GRM7: variants seen among roughly 807,000 people sequenced by gnomAD.
GRM7 encodes the protein metabotropic glutamate receptor 7.
GRM7 carries 35 observed loss-of-function variants against 84.5 expected under a neutral mutation model. The ratio of observed to expected loss-of-function variants is 0.41; its 90% CI spans 0.32 to 0.55. The LOEUF is 0.55. Ranked by LOEUF, GRM7 falls within the 20% of genes least tolerant of loss-of-function variation. The pLI, the probability that GRM7 is intolerant of heterozygous loss-of-function variation, is 0.19. For synonymous variants in GRM7, 487 were observed against 455.1 expected (o/e 1.07, Z -0.89); for missense variants, 1,003 against 1,194.6 (o/e 0.84, Z 2.36).
chr3:7,012,467 A>G (rs1238246971), intron 1 of GRM7, among the ~76,000 whole-genome samples: 1 of 152,168 alleles, frequency 6.6e-6, no homozygotes. Flanking sequence ...CTACCCCAGA[A>G]TAGCCCTCAT....
chr3:6,970,443 T>C (rs530763201), intron 1 of GRM7, among the ~76,000 whole-genome samples: 1 of 152,328 alleles, frequency 6.6e-6, no homozygotes, highest in South Asian at 2.1e-4. Flanking sequence ...TTCAAAATAA[T>C]TTTAAAAAGT....
At position 7,418,560 on chromosome 3, in the gene GRM7, C is replaced by T. The variant is rs941742569; in HGVS notation, c.1174+3397C>T. Among the ~76,000 whole-genome samples, 5 of 152,094 alleles carry T rather than the reference C, an allele frequency of 3.3e-5. No homozygotes were observed. The East Asian group carries it at 9.6e-4, about 29-fold the overall frequency. Reference sequence around the variant, plus strand: ...AAAGATCAGATGTGATTTTTTTCTGCGTTGTATTTATGTTCCCCTACCCAC... The same window carrying T: ...AAAGATCAGATGTGATTTTTTTCTGTGTTGTATTTATGTTCCCCTACCCAC... On this transcript the variant is annotated intron_variant, in intron 5 of 9. Coordinates refer to ENST00000357716, the MANE Select transcript of GRM7 (RefSeq NM_000844.4).
intron 8 of GRM7, among the ~76,000 whole-genome samples, chr3:7,627,435 T>A (rs763041372): frequency 6.6e-6 from 1 of 152,192 alleles, no homozygotes; most frequent in Non-Finnish European, 1.5e-5. Context: ...ATGACTCTTA[T>A]ATGAAATAGT....
At chr3:7,654,782 A>G (rs1575597891) in intron 8 of GRM7, among the ~76,000 whole-genome samples, 1 of 152,386 alleles carries the variant, frequency 6.6e-6, no homozygotes, top group South Asian at 2.1e-4. Flanking sequence ...TGTTAAGCAT[A>G]GTAGCCACAA....
At chr3:7,487,924 G>A (rs1028281664) in intron 7 of GRM7, among the ~76,000 whole-genome samples, 3 of 152,170 alleles carry the variant, frequency 2.0e-5, no homozygotes, top group Non-Finnish European at 4.4e-5. Flanking sequence ...ACCTTTGAGA[G>A]CAGCCATATG....
intron 1 of GRM7, among the ~76,000 whole-genome samples, chr3:7,116,914 T>C (rs1471519656): frequency 6.6e-6 from 1 of 152,186 alleles, no homozygotes; most frequent in Non-Finnish European, 1.5e-5. Flanking sequence ...TTTGCTCTAC[T>C]TGGCAATATT....
intron 1 of GRM7, among the ~76,000 whole-genome samples, chr3:6,923,409 C>G (rs1027840355): frequency 3.9e-5 from 6 of 152,116 alleles, no homozygotes; most frequent in African/African-American, 1.4e-4. Flanking sequence ...ATCTTTAGTT[C>G]TGTAATTTTA....
intron 7 of GRM7, among the ~76,000 whole-genome samples, chr3:7,494,634 C>A (rs918537395): frequency 6.6e-6 from 1 of 152,082 alleles, no homozygotes; most frequent in Non-Finnish European, 1.5e-5. Context: ...AAGCTCTCTT[C>A]GTTTTTATCA....
intron 1 of GRM7, among the ~76,000 whole-genome samples, chr3:6,980,352 T>A (rs1694154847): frequency 6.6e-6 from 1 of 152,168 alleles, no homozygotes; most frequent in African/African-American, 2.4e-5. Flanking sequence ...TTATGCAACA[T>A]TTCATATATA....
intron 1 of GRM7, among the ~76,000 whole-genome samples, chr3:6,915,574 T>C (rs1383778135): frequency 1.3e-5 from 2 of 152,248 alleles, no homozygotes; most frequent in South Asian, 4.1e-4. Flanking sequence ...TGCATACCAA[T>C]GAACCTGCAT....
At chr3:7,535,773 A>T (rs564384500) in intron 7 of GRM7, among the ~76,000 whole-genome samples, 1 of 152,348 alleles carries the variant, frequency 6.6e-6, no homozygotes, top group Admixed American at 6.5e-5. Flanking sequence ...ATACCGTGTA[A>T]GTTACCCAAG....
At chr3:7,704,583 T>G (rs1282040166) in intron 9 of GRM7, among the ~76,000 whole-genome samples, 1 of 152,262 alleles carries the variant, frequency 6.6e-6, no homozygotes, top group East Asian at 1.9e-4. Flanking sequence ...TTTAAGTTTT[T>G]AAAATAACGA....
chr3:6,864,151 T>A (rs1694861540), intron 1 of GRM7, among the ~76,000 whole-genome samples: 1 of 152,134 alleles, frequency 6.6e-6, no homozygotes, highest in Non-Finnish European at 1.5e-5. Flanking sequence ...ATTTGCAAAT[T>A]GCAGCTATTC....
chr3:6,949,102 T>C (rs191322524), intron 1 of GRM7, among the ~76,000 whole-genome samples: 1 of 152,200 alleles, frequency 6.6e-6, no homozygotes, highest in Non-Finnish European at 1.5e-5. Context: ...ATCATTATGA[T>C]GTTAGCTGGT....
At chr3:6,959,631 A>G (rs1252408548) in intron 1 of GRM7, among the ~76,000 whole-genome samples, 2 of 152,182 alleles carry the variant, frequency 1.3e-5, no homozygotes, top group African/African-American at 4.8e-5. Context: ...GGTTGCAGTT[A>G]CCATGTTTAG....
intron 1 of GRM7, among the ~76,000 whole-genome samples, chr3:7,064,501 T>TACACAC (rs376719688): frequency 4.4e-5 from 4 of 90,298 alleles, no homozygotes; most frequent in African/African-American, 1.5e-4. Flanking sequence ...CATATATATA[T>TACACAC]ACACATATAT....
chr3:7,206,632 C>T (rs1043072000), intron 2 of GRM7, among the ~76,000 whole-genome samples: 10 of 152,070 alleles, frequency 6.6e-5, no homozygotes, highest in African/African-American at 2.4e-4. Context: ...TTCTGAGGTA[C>T]AAGACAGGAG....
chr3:7,101,530 T>C (rs2125022197), intron 1 of GRM7, among the ~76,000 whole-genome samples: 1 of 151,646 alleles, frequency 6.6e-6, no homozygotes, highest in East Asian at 1.9e-4. Flanking sequence ...TGTACTCAGT[T>C]CATTTGAACA....
intron 8 of GRM7, among the ~76,000 whole-genome samples, chr3:7,612,797 A>G (rs1026481671): frequency 1.3e-5 from 2 of 152,196 alleles, no homozygotes; most frequent in African/African-American, 4.8e-5. Flanking sequence ...CCAAGGAAAG[A>G]ATTCTTGGAA....
Sources: allele counts gnomAD v4.1 joint callset (sites outside exome capture counted in the v4.1 genomes callset), GRCh38; gene constraint gnomAD v4.1.1; transcripts MANE v1.5; gene names NCBI Gene and HGNC (gene_info 2026-07-23, HGNC 2026-07-21).